The following CCSER1 variants were observed in gnomAD, a reference collection of about 807,000 sequenced individuals.
The protein encoded by CCSER1 is serine-rich coiled-coil domain-containing protein 1.
A neutral mutation model predicts 82.0 loss-of-function variants in CCSER1; 41 were observed. The observed-to-expected ratio is 0.50, with a 90% CI of 0.39 to 0.65. The LOEUF (loss-of-function observed/expected upper bound fraction) is 0.65, where lower values mean the gene tolerates loss of function less well. Among genes scored for constraint, CCSER1 ranks in the 30% least tolerant of loss-of-function variants. CCSER1 has a pLI of 0.00. For missense variants in CCSER1, 1,119 were observed against 1,064.2 expected, an observed-to-expected ratio of 1.05 and a Z score of -0.72; for synonymous variants, 414 against 383.9, an observed-to-expected ratio of 1.08 and a Z score of -0.92.
chr4:91,418,303 T>TAAAAAAAAAAAAAAAAAAAAAAAAAAAA (rs142070235), intron 10 of CCSER1, among the ~76,000 whole-genome samples: 1 of 113,638 alleles, frequency 8.8e-6, no homozygotes, highest in Non-Finnish European at 1.7e-5. Flanking sequence ...ATTTTTTAAT[T>TAAAAAAAAAAAAAAAAAAAAAAAAAAAA]AAAAAAAAAA....
At chr4:90,436,701 G>A (rs939371694) in intron 4 of CCSER1, among the ~76,000 whole-genome samples, 12 of 151,866 alleles carry the variant, frequency 7.9e-5, no homozygotes, top group Non-Finnish European at 1.3e-4. Context: ...CACATCTATA[G>A]AATGATGTAA....
At chr4:91,417,483 C>T (rs891265783) in intron 10 of CCSER1, among the ~76,000 whole-genome samples, 4 of 152,034 alleles carry the variant, frequency 2.6e-5, no homozygotes, top group South Asian at 4.1e-4. Flanking sequence ...AAATGTGGTA[C>T]ATATATACCA....
chr4:90,230,379 T>C (rs1339890911), intron 1 of CCSER1, among the ~76,000 whole-genome samples: 2 of 151,794 alleles, frequency 1.3e-5, no homozygotes, highest in African/African-American at 2.4e-5. Context: ...CTACTGGGTA[T>C]ATAACGAAAT....
intron 8 of CCSER1, among the ~76,000 whole-genome samples, chr4:90,847,242 T>C (rs1280750573): frequency 1.3e-5 from 2 of 152,126 alleles, no homozygotes; most frequent in Non-Finnish European, 2.9e-5. Context: ...TATATATTAG[T>C]AAAAAAATGA....
intron 10 of CCSER1, among the ~76,000 whole-genome samples, chr4:91,463,824 A>G (rs1756674874): frequency 6.6e-6 from 1 of 152,220 alleles, no homozygotes; most frequent in South Asian, 2.1e-4. Flanking sequence ...AAAAGAAATG[A>G]ACAAAGCCTC....
intron 10 of CCSER1, among the ~76,000 whole-genome samples, chr4:91,248,064 C>T (rs1301641442): frequency 1.3e-5 from 2 of 152,086 alleles, no homozygotes; most frequent in Non-Finnish European, 2.9e-5. Context: ...CAAAACAACA[C>T]ACATATTGTA....
At chr4:90,522,403 A>G (rs954054727) in intron 5 of CCSER1, among the ~76,000 whole-genome samples, 1 of 152,100 alleles carries the variant, frequency 6.6e-6, no homozygotes, top group Non-Finnish European at 1.5e-5. Flanking sequence ...TTGTTGAACA[A>G]TCTTCTAACT....
intron 8 of CCSER1, among the ~76,000 whole-genome samples, chr4:90,917,332 G>A (rs561707749): frequency 6.6e-6 from 1 of 152,162 alleles, no homozygotes; most frequent in Non-Finnish European, 1.5e-5. Flanking sequence ...ATACTATGCA[G>A]CCATAAAAAT....
intron 5 of CCSER1, among the ~76,000 whole-genome samples, chr4:90,478,721 T>C (rs1370655394): frequency 6.8e-6 from 1 of 147,712 alleles, no homozygotes; most frequent in Non-Finnish European, 1.5e-5. Flanking sequence ...AAATTGTACT[T>C]TCTTTCTTTC....
Position 91,602,440 on chromosome 4 carries a change from G to C in CCSER1, c.*3383G>C, listed in dbSNP as rs1356056879. Among the ~76,000 whole-genome samples, 1 of 151,814 alleles carries C rather than the reference G, an allele frequency of 6.6e-6. No homozygotes were observed. The highest frequency in any genetic ancestry group is 2.4e-5 in the African/African-American group (1 of 41,370). ...CAGGATAAATGATTACATTCCACTA[G>C]CCCTCTCAAAAACTTTCTTGGCAAC... On this transcript the variant is annotated 3_prime_UTR_variant, in exon 11 of 11. Transcript: ENST00000509176.
At chr4:90,539,855 C>A (rs1775884172) in intron 5 of CCSER1, among the ~76,000 whole-genome samples, 1 of 151,970 alleles carries the variant, frequency 6.6e-6, no homozygotes, top group African/African-American at 2.4e-5. Context: ...TAAGTGATCA[C>A]TTTTTGTGTA....
intron 4 of CCSER1, among the ~76,000 whole-genome samples, chr4:90,430,781 A>G (rs1308680089): frequency 6.6e-6 from 1 of 152,014 alleles, no homozygotes; most frequent in Non-Finnish European, 1.5e-5. Context: ...TAGAAATAAC[A>G]AAATAGGACT....
chr4:90,952,698 T>C (rs1325159082), intron 9 of CCSER1, among the ~76,000 whole-genome samples: 1 of 152,104 alleles, frequency 6.6e-6, no homozygotes, highest in Non-Finnish European at 1.5e-5. Context: ...TTCAAGGTGA[T>C]AGCCTATCAT....
chr4:90,370,982 T>G (rs1432734800), intron 3 of CCSER1, among the ~76,000 whole-genome samples: 1 of 152,058 alleles, frequency 6.6e-6, no homozygotes, highest in Non-Finnish European at 1.5e-5. Flanking sequence ...GATTTTCTAA[T>G]GCAGCTCATA....
intron 5 of CCSER1, among the ~76,000 whole-genome samples, chr4:90,484,752 C>A (rs1766708809): frequency 6.6e-6 from 1 of 152,148 alleles, no homozygotes; most frequent in Admixed American, 6.5e-5. Flanking sequence ...CAGAGGAGTA[C>A]CTGGCCGGCT....
At chr4:90,326,621 A>G (rs986736069) in intron 3 of CCSER1, among the ~76,000 whole-genome samples, 4 of 152,210 alleles carry the variant, frequency 2.6e-5, no homozygotes, top group Non-Finnish European at 5.9e-5. Flanking sequence ...ATACTCAGCT[A>G]GTTATCTCAA....
intron 5 of CCSER1, among the ~76,000 whole-genome samples, chr4:90,475,065 CAT>C (rs1228109083): frequency 1.3e-5 from 2 of 152,086 alleles, no homozygotes; most frequent in African/African-American, 2.4e-5. Flanking sequence ...CACACACACA[CAT>C]AAATGCACTT....
chr4:90,552,518 C>T lies in CCSER1; in HGVS notation c.1725-75507C>T, dbSNP rs540372552. ...TTTTACCCAGGCTGGAGTGCAGAGG[C>T]GCAATTTCAGCTCACTGCAACCTCC... On this transcript the variant is annotated intron_variant, in intron 5 of 10. Coordinates refer to ENST00000509176, the MANE Select transcript of CCSER1 (RefSeq NM_001145065.2). Among the ~76,000 whole-genome samples, 7 of 151,910 alleles carry T rather than the reference C, an allele frequency of 4.6e-5. No homozygotes were observed. In the South Asian group the frequency reaches 1.3e-3, roughly 27 times the overall value.
intron 3 of CCSER1, among the ~76,000 whole-genome samples, chr4:90,377,388 A>G (rs1748506105): frequency 6.6e-6 from 1 of 152,204 alleles, no homozygotes; most frequent in Non-Finnish European, 1.5e-5. Flanking sequence ...TTAAAATCTG[A>G]ACATGTGCCA....
Sources: gnomAD v4.1 joint callset for allele counts (sites outside exome capture counted in the v4.1 genomes callset) on GRCh38, gnomAD v4.1.1 for gene constraint, MANE v1.5 for transcripts, NCBI Gene and HGNC (gene_info 2026-07-23, HGNC 2026-07-21) for gene names.